Variants in DNMT1 observed in about 807,000 individuals in gnomAD.
DNMT1 encodes the protein DNA methyltransferase 1.
In DNMT1, 24 loss-of-function variants were observed where a neutral mutation model predicts 205.3. The ratio of observed to expected loss-of-function variants is 0.12; its 90% CI spans 0.08 to 0.16. The LOEUF (loss-of-function observed/expected upper bound fraction) is 0.16, where lower values mean the gene tolerates loss of function less well. Ranked by LOEUF, DNMT1 falls within the 10% of genes least tolerant of loss-of-function variation. The pLI is 1.00. For missense variants in DNMT1, 1,293 were observed against 2,177.7 expected (o/e 0.59, Z 8.09); for synonymous variants, 817 against 839.8 (o/e 0.97, Z 0.47).
chr19:10,186,120 G>A (rs982101392), intron 1 of DNMT1, among the ~76,000 whole-genome samples: 1 of 152,180 alleles, frequency 6.6e-6, no homozygotes, highest in Non-Finnish European at 1.5e-5. Context: ...GTTGCCTGGG[G>A]TGTGAAGGAC....
At chr19:10,139,989 G>GA in intron 33 of DNMT1, 57 bp downstream of exon 33, 1 of 1,601,502 alleles carries the variant, frequency 6.2e-7, no homozygotes, top group South Asian at 1.1e-5. Context: ...GACCACTGCT[G>GA]ACATGCGGCA....
At chr19:10,160,302 C>G in intron 14 of DNMT1, 82 bp downstream of exon 14, 1 of 1,599,976 alleles carries the variant, frequency 6.3e-7, no homozygotes, top group South Asian at 1.1e-5. Context: ...CTGGCAATTA[C>G]TGAAACCCCT....
At position 10,160,071 on chromosome 19, in the gene DNMT1, A is replaced by G. The variant is rs146876823; in HGVS notation, c.1044-8T>C. 8.8e-4 allele frequency: 64 copies of G among 72,358 alleles called. No individual in the cohort carries two copies. The African/African-American group carries it at 0.025, about 28-fold the overall frequency. 4.5% of individuals were successfully genotyped at this position (72,358 alleles called of 1,614,324 possible). Reference sequence around the variant, plus strand: ...GCCATTTTTTTCTCCGTTCTGGGGGAAAAAAAAAAATCACAAGATCGTTTG... The same window carrying G: ...GCCATTTTTTTCTCCGTTCTGGGGGGAAAAAAAAAATCACAAGATCGTTTG... On this transcript the variant is annotated splice_region_variant and splice_polypyrimidine_tract_variant and intron_variant, in intron 14 of 40. Transcript: ENST00000359526.
At chr19:10,182,406 CATAT>C (rs1204321584) in intron 1 of DNMT1, among the ~76,000 whole-genome samples, 1 of 73,226 alleles carries the variant, frequency 1.4e-5, no homozygotes, top group Non-Finnish European at 2.9e-5. Flanking sequence ...TATATATATA[CATAT>C]ATATGTGTAT....
intron 39 of DNMT1, 91 bp downstream of exon 39, chr19:10,135,645 C>T: frequency 7.1e-7 from 1 of 1,401,598 alleles, no homozygotes. Flanking sequence ...AGGCGTCCTC[C>T]CGGAAGTGAC....
chr19:10,146,543 C>T lies in DNMT1; in HGVS notation c.2721-19G>A. ...ACAGAATCTGAAGGAAACAAAGGGACAGAAACATAAGGCCCTGAGGTGGCC... is the reference window on the plus strand; with the variant it reads ...ACAGAATCTGAAGGAAACAAAGGGATAGAAACATAAGGCCCTGAGGTGGCC... On this transcript the variant is annotated intron_variant, in intron 27 of 40. Transcript: ENST00000359526. The surrounding 1 kb of genome is among the most constrained non-coding windows in gnomAD (Gnocchi z 4.4). 1 of 1,613,816 alleles carries T rather than the reference C, an allele frequency of 6.2e-7. No individual in the cohort carries two copies. Among genetic ancestry groups the T allele is most frequent in the South Asian group, 1.1e-5 (1 of 91,074 alleles).
intron 27 of DNMT1, among the ~76,000 whole-genome samples, chr19:10,147,263 GATAAATAAATAA>G (rs36026709): frequency 2.0e-5 from 3 of 146,578 alleles, no homozygotes; most frequent in Non-Finnish European, 3.0e-5. Flanking sequence ...CCCTGTCTCA[GATAAATAAATAA>G]ATAAATAAAT....
At chr19:10,141,319 A>AAT (rs1568224261) in intron 30 of DNMT1, 130 bp from the exon 31 acceptor site, 4 of 860,298 alleles carry the variant, frequency 4.6e-6, no homozygotes. Context: ...ATTAGCCACC[A>AAT]ATAAGAGTAG....
rs779486758 is a variant in DNMT1 at position 10,160,393 on chromosome 19, G to C, written c.1034C>G (p.Pro345Arg). ...EKEEKRRKTTPKEPTEKKMAR... is the reference protein window; with the variant it reads ...EKEEKRRKTTRKEPTEKKMAR... ...AAGAATAAATTCTTACGGTTCTTTG[G>C]GGGTCGTTTTGCGTCTCTTCTCCTC... Residue 345 changes from proline (P) to arginine (R), a missense_variant, in exon 14 of 41, where the codon CCC becomes CGC. Pro to Arg is a moderately radical substitution (Grantham distance 103). This residue lies in a region of DNMT1 where 394 missense variants were observed against 451.6 expected (regional missense o/e 0.87). Coordinates refer to ENST00000359526, the MANE Select transcript of DNMT1 (RefSeq NM_001130823.3). The C allele has an allele frequency of 1.9e-6, 3 of 1,613,960 alleles. No individual in the cohort carries two copies. Among genetic ancestry groups the C allele is most frequent in the South Asian group, 1.1e-5 (1 of 91,074 alleles).
chr19:10,172,763 C>T (rs533940585), intron 9 of DNMT1, among the ~76,000 whole-genome samples: 3 of 151,864 alleles, frequency 2.0e-5, no homozygotes, highest in South Asian at 2.1e-4. Context: ...TGCAACGAGC[C>T]GAGATCGCAC....
chr19:10,153,299 A>G (rs539120598), intron 22 of DNMT1, among the ~76,000 whole-genome samples: 2 of 152,308 alleles, frequency 1.3e-5, no homozygotes, highest in South Asian at 4.1e-4. Context: ...AAATAACTAG[A>G]TCTACCAGTA....
rs567781052 is a variant in DNMT1, at chr19:10,133,887, A to G, written c.4865-186T>C. Among the ~76,000 whole-genome samples the G allele has an allele frequency of 1.1e-4, 16 of 152,324 alleles. No homozygotes were observed. Among genetic ancestry groups the G allele is most frequent in the Non-Finnish European group, 1.8e-4 (12 of 68,014 alleles). ...TGAACACTCCTCAAACGGTCCCCAG[A>G]GGGTTCTAGACCCAGAGGCTCAAGT... is the stretch of plus-strand genomic sequence containing the variant. On this transcript the variant is annotated intron_variant, in intron 40 of 40. Coordinates refer to ENST00000359526, the MANE Select transcript of DNMT1 (RefSeq NM_001130823.3). The surrounding 1 kb of genome is among the most constrained non-coding windows in gnomAD (Gnocchi z 4.1).
chr19:10,167,147 C>G (rs1239403323), intron 10 of DNMT1, among the ~76,000 whole-genome samples: 4 of 152,104 alleles, frequency 2.6e-5, no homozygotes, highest in Admixed American at 6.6e-5. Context: ...CCTCTGGATT[C>G]AGGCTCAGTC....
At position 10,137,889 on chromosome 19, in the gene DNMT1, G is replaced by C. The variant is rs766558026; in HGVS notation, c.4236C>G (p.Phe1412Leu). 1.2e-5 allele frequency: 20 copies of C among 1,613,468 alleles called. No homozygotes were observed. Among genetic ancestry groups the C allele is most frequent in the Admixed American group, 3.3e-5 (2 of 59,950 alleles). Residue 1412 changes from phenylalanine to leucine, a missense_variant, in exon 36 of 41, where the codon TTC becomes TTG. By Grantham distance (22) the Phe-to-Leu change is conservative. Coordinates refer to ENST00000359526, the MANE Select transcript of DNMT1 (RefSeq NM_001130823.3). The surrounding 1 kb of genome is among the most constrained non-coding windows in gnomAD (Gnocchi z 6.4). ...ISYNGEPQSW[F>L]QRQLRGAQYQ... is the part of the protein sequence containing the mutation. ...ACTGTGCGCCCCGGAGCTGCCTCTGGAACCAGGACTGAGGCTCCCCGTTGT... is the reference window on the plus strand; with the variant it reads ...ACTGTGCGCCCCGGAGCTGCCTCTGCAACCAGGACTGAGGCTCCCCGTTGT...
rs114441392 is a variant in DNMT1 at position 10,187,863 on chromosome 19, C to T, written c.81-5786G>A. Among the ~76,000 whole-genome samples, 1,004 of 151,802 alleles carry T rather than the reference C, an allele frequency of 6.6e-3. 13 individuals are homozygous for T. Among genetic ancestry groups the T allele is most frequent in the African/African-American group, 0.023 (949 of 41,360 alleles). ...ACAAAAAATAGTAATTAGTAATTAG[C>T]TGGGTGTGCTAGCATGTGCCTATAG... On this transcript the variant is annotated intron_variant, in intron 1 of 40. Coordinates refer to ENST00000359526, the MANE Select transcript of DNMT1 (RefSeq NM_001130823.3).
At chr19:10,162,866 G>T in intron 12 of DNMT1, 118 bp from the exon 13 acceptor site, 1 of 1,079,530 alleles carries the variant, frequency 9.3e-7, no homozygotes, top group Non-Finnish European at 1.4e-6. Context: ...ACCCATGGGA[G>T]CTCTATAGGC....
intron 2 of DNMT1, among the ~76,000 whole-genome samples, chr19:10,181,532 TA>T (rs61381728): frequency 0.5 from 72,873 of 144,908 alleles, 17,926 homozygotes; most frequent in East Asian, 0.68. Flanking sequence ...TGAGATTGGT[TA>T]AAAAAAAAAA....
At position 10,175,717 on chromosome 19, in the gene DNMT1, T is replaced by A; in HGVS notation, c.570-99A>T. 8.8e-6 allele frequency: 10 copies of A among 1,133,152 alleles called. No individual in the cohort carries two copies. In the South Asian group the frequency reaches 1.2e-4, roughly 14 times the overall value. 70.2% of individuals were successfully genotyped at this position (1,133,152 alleles called of 1,614,324 possible). A position where few individuals can be genotyped will look rare whatever the true frequency, so the allele number is the denominator to read the frequency against. On this transcript the variant is annotated intron_variant, in intron 6 of 40. Coordinates refer to ENST00000359526, the MANE Select transcript of DNMT1 (RefSeq NM_001130823.3). ...ATTCACCAGGATGTTGAAAGAGGCT[T>A]CAAGTTTAATGTTTCTCTGAATGAC... is the stretch of plus-strand genomic sequence containing the variant.
At chr19:10,163,569 G>A (rs1405475003) in intron 11 of DNMT1, among the ~76,000 whole-genome samples, 3 of 152,120 alleles carry the variant, frequency 2.0e-5, no homozygotes, top group African/African-American at 4.8e-5. Context: ...ACTAACAAGA[G>A]GGCACTAAAG....
Sources: gnomAD v4.1 joint callset for allele counts (sites outside exome capture counted in the v4.1 genomes callset) on GRCh38, gnomAD v4.1.1 for gene constraint, gnomAD v4.1.1 regional missense constraint, Gnocchi (gnomAD v3.1) non-coding constraint, MANE v1.5 for transcripts, NCBI Gene and HGNC (gene_info 2026-07-23, HGNC 2026-07-21) for gene names.